CLIP4: variants seen among roughly 807,000 people sequenced by gnomAD.
The protein encoded by CLIP4 is CAP-Gly domain containing linker protein family member 4.
A neutral mutation model predicts 73.1 loss-of-function variants in CLIP4; 47 were observed. That is an observed-to-expected ratio of 0.64 (90% CI 0.51 to 0.82). CLIP4 has a LOEUF of 0.82. Ranked by LOEUF, CLIP4 falls within the 40% of genes least tolerant of loss-of-function variation. CLIP4 has a pLI of 0.00. For missense variants in CLIP4, 874 were observed against 852.9 expected, an observed-to-expected ratio of 1.02 and a Z score of -0.31; for synonymous variants, 306 against 295.4, an observed-to-expected ratio of 1.04 and a Z score of -0.37.
At chr2:29,107,830 G>T (rs1208436761) in intron 1 of CLIP4, among the ~76,000 whole-genome samples, 1 of 152,148 alleles carries the variant, frequency 6.6e-6, no homozygotes, top group African/African-American at 2.4e-5. Flanking sequence ...GAGACTACAA[G>T]CACATGCTGC....
chr2:29,142,986 G>C (rs1239669591), intron 6 of CLIP4, among the ~76,000 whole-genome samples: 1 of 152,188 alleles, frequency 6.6e-6, no homozygotes, highest in East Asian at 1.9e-4. Flanking sequence ...CTGTCATAGT[G>C]AAAACAGAGC....
intron 15 of CLIP4, among the ~76,000 whole-genome samples, chr2:29,177,945 ATTC>A (rs1668437931): frequency 1.3e-5 from 2 of 152,314 alleles, no homozygotes; most frequent in South Asian, 4.1e-4. Flanking sequence ...CAAATAAATC[ATTC>A]TTATTAGAAC....
rs756857405 is a variant in CLIP4 at position 29,160,413 on chromosome 2, G to A, written c.1480G>A (p.Val494Ile). 2 of 1,614,172 alleles carry A rather than the reference G, an allele frequency of 1.2e-6. No individual in the cohort carries two copies. The highest frequency in any genetic ancestry group is 1.3e-5 in the African/African-American group (1 of 75,042). Residue 494 changes from valine to isoleucine, a missense_variant, in exon 12 of 16, where the codon GTA (valine) becomes ATA (isoleucine). Transcript: ENST00000320081. ...CCGCCTCGGAGAGAGAGTGTTAGTG[G>A]TAGGACAGAGACTGGGCACCATTAG... is the stretch of plus-strand genomic sequence containing the variant. ...ELRLGERVLV[V>I]GQRLGTIRFF...
At chr2:29,105,891 T>G (rs77485466) in intron 1 of CLIP4, among the ~76,000 whole-genome samples, 3,910 of 152,270 alleles carry the variant, frequency 0.026, 138 homozygotes, top group East Asian at 0.091. Context: ...AGAACCATGA[T>G]AAATAAATCT....
At chr2:29,100,519 A>G (rs1286501686) in intron 1 of CLIP4, among the ~76,000 whole-genome samples, 1 of 152,044 alleles carries the variant, frequency 6.6e-6, no homozygotes, top group African/African-American at 2.4e-5. Context: ...GTAGGTATTG[A>G]GTACTTTTAG....
In CLIP4 at chr2:29,131,293, C is replaced by G; in HGVS notation, c.169C>G (p.Gln57Glu). The change falls in exon 3 of 16, where the codon CAG becomes GAG. Residue 57 changes from glutamine to glutamate, a missense_variant. Gln to Glu is a conservative substitution (Grantham distance 29). Coordinates refer to ENST00000320081, the MANE Select transcript of CLIP4 (RefSeq NM_024692.6). Reference protein sequence around the residue: ...SFFDPNDASCQEILFDPKTSV... With the variant: ...SFFDPNDASCEEILFDPKTSV... ...CTTTGATCCTAATGATGCATCATGC[C>G]AGGAAATTCTTTTTGATCCCAAAAC... The G allele has an allele frequency of 1.2e-6, 2 of 1,608,692 alleles. No individual in the cohort carries two copies. The highest frequency in any genetic ancestry group is 1.7e-6 in the Non-Finnish European group (2 of 1,177,890).
chr2:29,145,155 G>A, intron 7 of CLIP4, 77 bp from the exon 8 acceptor site: 1 of 1,279,924 alleles, frequency 7.8e-7, no homozygotes, highest in Non-Finnish European at 1.1e-6. Context: ...CTCCCATGGT[G>A]AAGTAAAGTT....
Position 29,183,585 on chromosome 2 carries a change from CTG to C in CLIP4, c.*1694_*1695del, listed in dbSNP as rs1668742697. Reference sequence around the variant, plus strand: ...AATTTTTCCTGTTAAATATAAAACACTGTAAGTTAAAAACAGTAATGCCAACA... The same window carrying C: ...AATTTTTCCTGTTAAATATAAAACACTAAGTTAAAAACAGTAATGCCAACA... On this transcript the variant is annotated 3_prime_UTR_variant, in exon 16 of 16. Coordinates refer to ENST00000320081, the MANE Select transcript of CLIP4 (RefSeq NM_024692.6). The C allele has an allele frequency of 6.6e-6, 1 of 152,602 alleles. No homozygotes were observed. Among genetic ancestry groups the C allele is most frequent in the African/African-American group, 2.4e-5 (1 of 41,436 alleles). 9.5% of individuals were successfully genotyped at this position (152,602 alleles called of 1,614,324 possible).
chr2:29,101,654 A>G (rs372191690), intron 1 of CLIP4, among the ~76,000 whole-genome samples: 4 of 152,266 alleles, frequency 2.6e-5, no homozygotes, highest in East Asian at 1.9e-4. Flanking sequence ...CCCAGGAGCA[A>G]TACTTTGCAT....
chr2:29,181,563 T>C lies in CLIP4; in HGVS notation c.1797-9T>C, dbSNP rs1668644363. 1 of 1,595,038 alleles carries C rather than the reference T, an allele frequency of 6.3e-7. No homozygotes were observed. Among genetic ancestry groups the C allele is most frequent in the African/African-American group, 1.3e-5 (1 of 74,504 alleles). On this transcript the variant is annotated splice_polypyrimidine_tract_variant and intron_variant, in intron 15 of 15. Transcript: ENST00000320081. ...TAAATAATTTTTCCCACTTTTCCCT[T>C]CCGCACAGATCGAAAGCTGCTTTGC...
intron 9 of CLIP4, among the ~76,000 whole-genome samples, chr2:29,155,843 C>T (rs1358946027): frequency 6.6e-6 from 1 of 152,166 alleles, no homozygotes; most frequent in African/African-American, 2.4e-5. Flanking sequence ...TGCCAGTATT[C>T]CTTTTCAAAG....
intron 1 of CLIP4, among the ~76,000 whole-genome samples, chr2:29,116,475 G>A (rs535899872): frequency 6.6e-6 from 1 of 152,198 alleles, no homozygotes; most frequent in Non-Finnish European, 1.5e-5. Context: ...ACCTTCCTCA[G>A]GAACATCCGC....
chr2:29,156,791 GC>G (rs1666953297), intron 10 of CLIP4, among the ~76,000 whole-genome samples: 1 of 152,060 alleles, frequency 6.6e-6, no homozygotes, highest in South Asian at 2.1e-4. Flanking sequence ...ATTCCTTCTT[GC>G]CTTCTGGTTT....
At chr2:29,114,926 TCAC>T (rs1371937887), upstream of CLIP4, 1 of 152,330 alleles carries the variant, frequency 6.6e-6, no homozygotes, top group East Asian at 1.9e-4. Context: ...CTGTCAGAGT[TCAC>T]GACTTTAGGT....
intron 6 of CLIP4, among the ~76,000 whole-genome samples, chr2:29,138,705 T>A (rs1280422723): frequency 6.6e-6 from 1 of 152,132 alleles, no homozygotes; most frequent in African/African-American, 2.4e-5. Context: ...TGTAGAGATC[T>A]TCCATCTCCT....
At chr2:29,100,725 C>G (rs1668017682) in intron 1 of CLIP4, among the ~76,000 whole-genome samples, 1 of 151,390 alleles carries the variant, frequency 6.6e-6, no homozygotes, top group Admixed American at 6.6e-5. Context: ...CAGGCAAAGT[C>G]CAAGCAGAAG....
At chr2:29,130,934 T>G in intron 2 of CLIP4, 1 of 1,285,988 alleles carries the variant, frequency 7.8e-7, no homozygotes, top group Non-Finnish European at 1.0e-6. Context: ...AAGATAGACT[T>G]TGGAGACAGA....
chr2:29,104,432 C>G (rs189918037), intron 1 of CLIP4, among the ~76,000 whole-genome samples: 1 of 152,036 alleles, frequency 6.6e-6, no homozygotes, highest in Non-Finnish European at 1.5e-5. Context: ...CATGCCACCA[C>G]GCCCAGCTAA....
At chr2:29,106,206 C>T (rs1163818372) in intron 1 of CLIP4, among the ~76,000 whole-genome samples, 1 of 147,104 alleles carries the variant, frequency 6.8e-6, no homozygotes, top group East Asian at 1.9e-4. Context: ...TAAAATGATA[C>T]TTATCTTATA....
Sources: gnomAD v4.1 joint callset for allele counts (sites outside exome capture counted in the v4.1 genomes callset) on GRCh38, gnomAD v4.1.1 for gene constraint, MANE v1.5 for transcripts, NCBI Gene and HGNC (gene_info 2026-07-23, HGNC 2026-07-21) for gene names.